Variants in REPS1 observed in about 807,000 individuals in gnomAD.
REPS1 encodes RALBP1 associated Eps domain containing 1.
In REPS1, 39 loss-of-function variants were observed where a neutral mutation model predicts 100.9. That is an observed-to-expected ratio of 0.39 (90% CI 0.30 to 0.50). The LOEUF (loss-of-function observed/expected upper bound fraction) is 0.50, where lower values mean the gene tolerates loss of function less well. Ranked by LOEUF, REPS1 falls within the 20% of genes least tolerant of loss-of-function variation. The pLI is 0.86. For missense variants in REPS1, 821 were observed against 968.5 expected (o/e 0.85, Z 2.02); for synonymous variants, 324 against 340.3 (o/e 0.95, Z 0.53).
At chr6:138,966,531 GT>G (rs1784033764) in intron 1 of REPS1, among the ~76,000 whole-genome samples, 1 of 152,132 alleles carries the variant, frequency 6.6e-6, no homozygotes, top group African/African-American at 2.4e-5. Context: ...GGTAGGTACT[GT>G]TTTATAGCTG....
chr6:138,926,469 A>G lies in REPS1; in HGVS notation c.1270T>C (p.Phe424Leu), dbSNP rs1781132020. Residue 424 changes from phenylalanine to leucine, a missense_variant, in exon 10 of 20, where the codon TTT (phenylalanine) becomes CTT (leucine). Physicochemically the swap from Phe to Leu is conservative, Grantham distance 22 (BLOSUM62 0). Coordinates refer to ENST00000450536, the MANE Select transcript of REPS1 (RefSeq NM_001286611.2). Reference protein sequence around the residue: ...LNQSSEQWETFSERSSSSQTL... With the variant: ...LNQSSEQWETLSERSSSSQTL... ...TGTGAGCTTGAAGAGCGTTCACTAA[A>G]TGTCTCCCACTGCTGAACAGACAGA... 1 of 1,611,112 alleles carries G rather than the reference A, an allele frequency of 6.2e-7. No homozygotes were observed. Among genetic ancestry groups the G allele is most frequent in the Non-Finnish European group, 8.5e-7 (1 of 1,177,928 alleles).
intron 1 of REPS1, among the ~76,000 whole-genome samples, chr6:138,963,168 T>C (rs558500620): frequency 6.6e-6 from 1 of 152,240 alleles, no homozygotes; most frequent in South Asian, 2.1e-4. Context: ...ACACCCTTCC[T>C]TCATTCATGA....
chr6:138,979,041 C>A (rs1187680293), intron 1 of REPS1, among the ~76,000 whole-genome samples: 1 of 151,932 alleles, frequency 6.6e-6, no homozygotes, highest in Non-Finnish European at 1.5e-5. Context: ...ATCAGCCAGG[C>A]GTGGTGGTAG....
chr6:138,934,822 A>G (rs1781701307), intron 8 of REPS1, among the ~76,000 whole-genome samples: 1 of 152,198 alleles, frequency 6.6e-6, no homozygotes, highest in Non-Finnish European at 1.5e-5. Context: ...AATCTCATTA[A>G]TAACTTTATC....
intron 1 of REPS1, among the ~76,000 whole-genome samples, chr6:138,962,897 C>T (rs192702051): frequency 5.3e-5 from 8 of 152,202 alleles, no homozygotes; most frequent in East Asian, 3.9e-4. Flanking sequence ...AATTTTTCTG[C>T]GGTCCCTCTC....
At chr6:138,944,644 A>G in intron 4 of REPS1, 22 bp from the exon 5 acceptor site, 1 of 1,597,224 alleles carries the variant, frequency 6.3e-7, no homozygotes, top group Non-Finnish European at 8.5e-7. Context: ...ATGGGTAAAC[A>G]TGCTGACTCA....
chr6:138,908,753 C>T lies in REPS1; in HGVS notation c.2131G>A (p.Asp711Asn). 1.9e-6 allele frequency: 3 copies of T among 1,614,148 alleles called. No homozygotes were observed. Among genetic ancestry groups the T allele is most frequent in the Non-Finnish European group, 2.5e-6 (3 of 1,180,006 alleles). The change falls in exon 18 of 20, where the codon GAT becomes AAT. Residue 711 changes from aspartate to asparagine, a missense_variant. By Grantham distance (23) the Asp-to-Asn change is conservative. This residue lies in a region of REPS1 where 757 missense variants were observed against 866.4 expected (regional missense o/e 0.87). Transcript: ENST00000450536. ...KPVRRRLKSE[D>N]ELRPEVDEHT... ...TCATCAACTTCTGGCCTTAATTCAT[C>T]TTCTGATTTTAATCTTCTTCGAACA...
chr6:138,920,053 T>G (rs1780649081), intron 12 of REPS1, among the ~76,000 whole-genome samples, 162 bp downstream of exon 12: 1 of 152,116 alleles, frequency 6.6e-6, no homozygotes, highest in African/African-American at 2.4e-5. Context: ...CAGGAGTCAA[T>G]GGGCAACCAT....
At chr6:138,977,003 TCTC>T (rs1486780011) in intron 1 of REPS1, among the ~76,000 whole-genome samples, 4 of 152,204 alleles carry the variant, frequency 2.6e-5, no homozygotes, top group Non-Finnish European at 4.4e-5. Flanking sequence ...AGTCCTTCAT[TCTC>T]CACCACATTC....
In REPS1 at chr6:138,912,917, C is replaced by T. The variant is rs1440880850; in HGVS notation, c.1819G>A (p.Ala607Thr). 1 of 1,614,084 alleles carries T rather than the reference C, an allele frequency of 6.2e-7. No individual in the cohort carries two copies. The highest frequency in any genetic ancestry group is 8.5e-7 in the Non-Finnish European group (1 of 1,179,986). The change falls in exon 16 of 20, where the codon GCC (alanine) becomes ACC (threonine). Residue 607 changes from alanine (A) to threonine (T), a missense_variant. By Grantham distance (58) the Ala-to-Thr change is moderately conservative. This residue lies in a region of REPS1 where 757 missense variants were observed against 866.4 expected (regional missense o/e 0.87). Coordinates refer to ENST00000450536, the MANE Select transcript of REPS1 (RefSeq NM_001286611.2). Reference sequence around the variant, plus strand: ...CTAGTGTGAGTTATGAGGCCATCGGCATCCACTGGGCGATGCACAGCAGGA... The same window carrying T: ...CTAGTGTGAGTTATGAGGCCATCGGTATCCACTGGGCGATGCACAGCAGGA... ...PGPAVHRPVD[A>T]DGLITHTSTS...
Position 138,987,638 on chromosome 6 carries a change from T to G in REPS1, c.45A>C (p.Ser15=). ...CAATGTCGCAGTAGGAGAAGAGATC[T>G]GAATAGTATTTCTGCTCCGCATCGC... ...TLSDAEQKYY[S]DLFSYCDIES... The change falls in exon 1 of 20, where the codon TCA becomes TCC. Residue 15 remains serine (S), a synonymous_variant. Transcript: ENST00000450536. 6.4e-7 allele frequency: 1 copy of G among 1,550,420 alleles called. No homozygotes were observed. Among genetic ancestry groups the G allele is most frequent in the East Asian group, 2.5e-5 (1 of 40,722 alleles).
intron 10 of REPS1, among the ~76,000 whole-genome samples, chr6:138,925,797 CAG>C (rs1781080060): frequency 6.6e-6 from 1 of 152,050 alleles, no homozygotes; most frequent in Admixed American, 6.6e-5. Context: ...TCTATGGGGA[CAG>C]AATTTATTTT....
chr6:138,928,320 T>C (rs1292132748), intron 9 of REPS1: 1 of 152,230 alleles, frequency 6.6e-6, no homozygotes, highest in Non-Finnish European at 1.5e-5. Flanking sequence ...TCATCTCCTA[T>C]ACTGTCTTAT....
intron 1 of REPS1, among the ~76,000 whole-genome samples, chr6:138,975,566 T>C (rs1159333790): frequency 6.6e-6 from 1 of 152,160 alleles, no homozygotes; most frequent in Non-Finnish European, 1.5e-5. Flanking sequence ...CCAGGCACTA[T>C]CAGTTTGGTA....
chr6:138,978,473 T>C (rs1203637036), intron 1 of REPS1, among the ~76,000 whole-genome samples: 1 of 118,968 alleles, frequency 8.4e-6, no homozygotes, highest in East Asian at 2.6e-4. Context: ...CCAGCTAATT[T>C]ATTTTATCTT....
intron 1 of REPS1, among the ~76,000 whole-genome samples, chr6:138,952,248 G>A (rs1009206784): frequency 1.3e-5 from 2 of 152,106 alleles, no homozygotes; most frequent in African/African-American, 2.4e-5. Context: ...AACTGGAAAG[G>A]AAGAAGTCAA....
At chr6:138,970,196 A>G (rs1784260984) in intron 1 of REPS1, among the ~76,000 whole-genome samples, 1 of 152,164 alleles carries the variant, frequency 6.6e-6, no homozygotes, top group South Asian at 2.1e-4. Context: ...TAACACTAAG[A>G]ACAGAAAAGA....
intron 1 of REPS1, among the ~76,000 whole-genome samples, chr6:138,952,317 C>A (rs1426798823): frequency 6.6e-6 from 1 of 151,890 alleles, no homozygotes; most frequent in Non-Finnish European, 1.5e-5. Flanking sequence ...AAAGACTCTA[C>A]CAAAAAACTC....
chr6:138,968,983 G>A (rs1013929324), intron 1 of REPS1, among the ~76,000 whole-genome samples: 7 of 152,070 alleles, frequency 4.6e-5, no homozygotes, highest in Non-Finnish European at 1.0e-4. Flanking sequence ...AAAACATAAG[G>A]CTGCTCTACT....
Sources: gnomAD v4.1 joint callset for allele counts (sites outside exome capture counted in the v4.1 genomes callset) on GRCh38, gnomAD v4.1.1 for gene constraint, gnomAD v4.1.1 regional missense constraint, MANE v1.5 for transcripts, NCBI Gene and HGNC (gene_info 2026-07-23, HGNC 2026-07-21) for gene names.